Variants in AOPEP observed in about 807,000 individuals in gnomAD.
AOPEP encodes the protein aminopeptidase O.
A neutral mutation model predicts 98.1 loss-of-function variants in AOPEP; 77 were observed. That is an observed-to-expected ratio of 0.78 (90% CI 0.65 to 0.95). AOPEP has a LOEUF of 0.95. Ranked by LOEUF, AOPEP falls within the 40% of genes least tolerant of loss-of-function variation. AOPEP has a pLI of 0.00. For synonymous variants in AOPEP, 346 were observed against 365.3 expected (o/e 0.95, Z 0.60); for missense variants, 1,024 against 1,024.7 (o/e 1.00, Z 0.01).
At chr9:94,964,355 C>T (rs1320416037) in intron 9 of AOPEP, among the ~76,000 whole-genome samples, 1 of 152,192 alleles carries the variant, frequency 6.6e-6, no homozygotes, top group Non-Finnish European at 1.5e-5. Context: ...GCCTCCTGCG[C>T]TTACCCTGAA....
intron 5 of AOPEP, among the ~76,000 whole-genome samples, chr9:94,806,021 T>G (rs1849191696): frequency 6.6e-6 from 1 of 152,218 alleles, no homozygotes; most frequent in African/African-American, 2.4e-5. Flanking sequence ...CTTTGTTGGC[T>G]TTACTTGAAT....
At chr9:95,053,507 G>GT (rs762741120) in intron 13 of AOPEP, among the ~76,000 whole-genome samples, 57 of 151,928 alleles carry the variant, frequency 3.8e-4, no homozygotes, top group Non-Finnish European at 7.6e-4. Context: ...TCAACCAACC[G>GT]TTTTTTTACA....
intron 13 of AOPEP, among the ~76,000 whole-genome samples, chr9:95,020,787 G>A (rs1589287767): frequency 6.6e-6 from 1 of 151,742 alleles, no homozygotes; most frequent in Non-Finnish European, 1.5e-5. Context: ...GTGTGGTGGT[G>A]CATGGCTGTG....
chr9:95,111,267 C>T, the AOPEP span: 1 of 1,549,556 alleles, frequency 6.5e-7, no homozygotes, highest in Non-Finnish European at 8.7e-7. Flanking sequence ...TCTCTGGCCA[C>T]CTCGGTGGGG....
chr9:94,797,167 C>T (rs1202891506), intron 4 of AOPEP, among the ~76,000 whole-genome samples: 1 of 152,220 alleles, frequency 6.6e-6, no homozygotes, highest in Non-Finnish European at 1.5e-5. Flanking sequence ...GGCGCGGTGG[C>T]TCACGCCATT....
intron 5 of AOPEP, among the ~76,000 whole-genome samples, chr9:94,804,691 A>G (rs189340036): frequency 6.6e-6 from 1 of 152,358 alleles, no homozygotes; most frequent in Admixed American, 6.5e-5. Context: ...AGTACTTACG[A>G]TGCAAAGCCT....
chr9:95,148,129 G>A, the AOPEP span, among the ~76,000 whole-genome samples: 1 of 152,108 alleles, frequency 6.6e-6, no homozygotes, highest in African/African-American at 2.4e-5. Context: ...TCGAAACACT[G>A]CATTTTCACA....
the AOPEP span, chr9:95,100,260 T>C: frequency 4.3e-6 from 1 of 232,152 alleles, no homozygotes; most frequent in Non-Finnish European, 8.5e-6. Flanking sequence ...GCAATGACCA[T>C]GATGGCAGCT....
intron 9 of AOPEP, among the ~76,000 whole-genome samples, chr9:94,965,259 T>C (rs1243862521): frequency 1.3e-5 from 2 of 152,248 alleles, no homozygotes; most frequent in African/African-American, 4.8e-5. Flanking sequence ...GCTCCCATTT[T>C]CTTTGCGTGG....
intron 13 of AOPEP, among the ~76,000 whole-genome samples, chr9:95,014,599 T>C (rs531261256): frequency 1.3e-5 from 2 of 152,298 alleles, no homozygotes; most frequent in South Asian, 4.1e-4. Context: ...CGACAGTAAA[T>C]AACCTTTCCC....
chr9:95,091,338 T>C (rs930178915), downstream of AOPEP, among the ~76,000 whole-genome samples: 4 of 152,192 alleles, frequency 2.6e-5, no homozygotes, highest in Admixed American at 2.6e-4. Flanking sequence ...AGCAGAACTC[T>C]GGGTGCGCAG....
chr9:94,955,868 T>C lies in AOPEP; in HGVS notation c.1765-40T>C, dbSNP rs1242492770. The C allele has an allele frequency of 2.1e-6, 3 of 1,417,012 alleles. No individual in the cohort carries two copies. The African/African-American group carries it at 4.3e-5, about 20-fold the overall frequency. 87.8% of individuals were successfully genotyped at this position (1,417,012 alleles called of 1,614,324 possible). On this transcript the variant is annotated intron_variant, in intron 8 of 16. Coordinates refer to ENST00000375315, the MANE Select transcript of AOPEP (RefSeq NM_001193329.3). ...ATATAACCATTTTTTTATGAACTCA[T>C]GGTAGGCCTCTTTTTCTCTCTCTTT...
At chr9:94,762,709 G>A (rs1475182319) in intron 2 of AOPEP, among the ~76,000 whole-genome samples, 1 of 152,054 alleles carries the variant, frequency 6.6e-6, no homozygotes, top group African/African-American at 2.4e-5. Context: ...CCTTTTTCTG[G>A]GGTGGGGAGT....
intron 12 of AOPEP, 147 bp from the exon 13 acceptor site, chr9:95,005,395 G>T: frequency 1.1e-6 from 1 of 907,332 alleles, no homozygotes; most frequent in Non-Finnish European, 1.7e-6. Flanking sequence ...TGAGGCGCCC[G>T]GCGAGTTCCG....
intron 13 of AOPEP, among the ~76,000 whole-genome samples, chr9:95,016,670 T>C (rs956410963): frequency 6.6e-6 from 1 of 151,826 alleles, no homozygotes; most frequent in Non-Finnish European, 1.5e-5. Context: ...TTAAGTCCAA[T>C]GGCATGATTA....
chr9:94,967,746 T>C lies in AOPEP; in HGVS notation c.1873-12T>C. The C allele has an allele frequency of 6.2e-7, 1 of 1,611,968 alleles. No homozygotes were observed. The highest frequency in any genetic ancestry group is 1.3e-5 in the African/African-American group (1 of 75,018). ...ATGGACATCTTTAATGATTTGCTTT[T>C]TTTAATCCCAGGATTTCCTTCAAAT... On this transcript the variant is annotated splice_polypyrimidine_tract_variant and intron_variant, in intron 9 of 16. Transcript: ENST00000375315.
Position 94,967,749 on chromosome 9 carries a change from T to C in AOPEP, c.1873-9T>C, listed in dbSNP as rs973720462. 1 of 1,612,042 alleles carries C rather than the reference T, an allele frequency of 6.2e-7. No individual in the cohort carries two copies. The highest frequency in any genetic ancestry group is 8.5e-7 in the Non-Finnish European group (1 of 1,178,074). On this transcript the variant is annotated splice_polypyrimidine_tract_variant and intron_variant, in intron 9 of 16. Coordinates refer to ENST00000375315, the MANE Select transcript of AOPEP (RefSeq NM_001193329.3). ...GACATCTTTAATGATTTGCTTTTTT[T>C]AATCCCAGGATTTCCTTCAAATGCT...
At chr9:94,948,122 G>T (rs1035370270) in intron 7 of AOPEP, among the ~76,000 whole-genome samples, 3 of 152,132 alleles carry the variant, frequency 2.0e-5, no homozygotes, top group African/African-American at 7.2e-5. Context: ...GCCTGCGGTT[G>T]CTGTTCTTGA....
At chr9:95,039,489 C>T (rs767007170) in intron 13 of AOPEP, among the ~76,000 whole-genome samples, 8 of 152,242 alleles carry the variant, frequency 5.3e-5, no homozygotes, top group East Asian at 3.9e-4. Flanking sequence ...AGAGGATCAC[C>T]GGAGCCCCAA....
Sources: gnomAD v4.1 joint callset for allele counts (sites outside exome capture counted in the v4.1 genomes callset) on GRCh38, gnomAD v4.1.1 for gene constraint, MANE v1.5 for transcripts, NCBI Gene and HGNC (gene_info 2026-07-23, HGNC 2026-07-21) for gene names.